TIMELESS: variants seen among roughly 807,000 people sequenced by gnomAD.
The protein encoded by TIMELESS is protein timeless homolog.
In TIMELESS, 124 loss-of-function variants were observed where a neutral mutation model predicts 164.3. The observed-to-expected ratio is 0.75, with a 90% CI of 0.65 to 0.88. The LOEUF is 0.88. TIMELESS is among the 40% of genes least tolerant of loss of function. The probability of loss-of-function intolerance (pLI) is 0.00; values close to 1 mark genes in which losing one functional copy is unlikely to be tolerated. For synonymous variants in TIMELESS, 564 were observed against 563.4 expected, an observed-to-expected ratio of 1.00 and a Z score of -0.02; for missense variants, 1,422 against 1,491.4, an observed-to-expected ratio of 0.95 and a Z score of 0.77.
intron 13 of TIMELESS, among the ~76,000 whole-genome samples, chr12:56,427,687 T>C (rs1232700328): frequency 2.0e-5 from 3 of 152,234 alleles, no homozygotes; most frequent in Non-Finnish European, 4.4e-5. Context: ...CAAGCGATTC[T>C]GTCTCAGCCT....
chr12:56,443,584 T>C (rs185738883), intron 1 of TIMELESS, among the ~76,000 whole-genome samples: 22 of 152,310 alleles, frequency 1.4e-4, no homozygotes, highest in African/African-American at 5.3e-4. Flanking sequence ...TTATTGCCCT[T>C]TGAAGCATGT....
chr12:56,422,859 G>C lies in TIMELESS; in HGVS notation c.2426C>G (p.Ser809Cys). 6.2e-7 allele frequency: 1 copy of C among 1,607,722 alleles called. No homozygotes were observed. Among genetic ancestry groups the C allele is most frequent in the African/African-American group, 1.3e-5 (1 of 74,818 alleles). Residue 809 changes from serine (S) to cysteine (C), a missense_variant, in exon 19 of 29, where the codon TCC becomes TGC. Transcript: ENST00000553532. ...ACTTCAAGCTCACCTGTCATCCAGG[G>C]AGCCATAGCCCTCAGTCATCTCTCG... Reference protein sequence around the residue: ...VVREMTEGYGSLDDRSSSRRA... With the variant: ...VVREMTEGYGCLDDRSSSRRA...
In TIMELESS at chr12:56,421,041, C is replaced by G. The variant is rs559870972; in HGVS notation, c.2962G>C (p.Gly988Arg). Residue 988 changes from glycine to arginine, a missense_variant, in exon 24 of 29, where the codon GGG becomes CGG. Gly to Arg is a moderately radical substitution (Grantham distance 125). Transcript: ENST00000553532. ...TGGACTTGTTCTGCTTCTGAGCCCC[C>G]TTCTTCTTCCTCTTCGCTGTCTTCC... ...PEEDSEEEEE[G>R]GSEAEQVQGS... The G allele has an allele frequency of 1.2e-6, 2 of 1,614,174 alleles. No homozygotes were observed. The highest frequency in any genetic ancestry group is 1.3e-5 in the African/African-American group (1 of 75,056).
chr12:56,445,930 G>A (rs1347444248), intron 1 of TIMELESS, among the ~76,000 whole-genome samples: 1 of 151,840 alleles, frequency 6.6e-6, no homozygotes, highest in Non-Finnish European at 1.5e-5. Flanking sequence ...TTTTGAAAGA[G>A]GGTCTCACTT....
At chr12:56,434,759 T>C (rs1882014179) in intron 1 of TIMELESS, among the ~76,000 whole-genome samples, 1 of 144,168 alleles carries the variant, frequency 6.9e-6, no homozygotes, top group African/African-American at 2.5e-5. Context: ...TAAATAAAAT[T>C]GTTAGACCCT....
rs762127468 is a variant in TIMELESS at position 56,421,492 on chromosome 12, A to T, written c.2727T>A (p.Asp909Glu). 6.2e-7 allele frequency: 1 copy of T among 1,609,050 alleles called. No homozygotes were observed. The highest frequency in any genetic ancestry group is 1.7e-5 in the Admixed American group (1 of 59,104). The change falls in exon 23 of 29, where the codon GAT becomes GAA. Residue 909 changes from aspartate (D) to glutamate (E), a missense_variant and splice_region_variant. By Grantham distance (45) the Asp-to-Glu change is conservative (BLOSUM62 2). Coordinates refer to ENST00000553532, the MANE Select transcript of TIMELESS (RefSeq NM_003920.5). ...TATTCTTCATGATATGACCCAGGAC[A>T]TCTATAAAAAGCAAGCATGTGAATA... ...RLFEEFRDSD[D>E]VLGHIMKNIT...
At chr12:56,438,259 G>A (rs762175879) in intron 1 of TIMELESS, among the ~76,000 whole-genome samples, 9 of 152,050 alleles carry the variant, frequency 5.9e-5, no homozygotes, top group Non-Finnish European at 1.2e-4. Flanking sequence ...TGGTCAGGCT[G>A]GTCACAAACT....
chr12:56,445,598 T>G (rs1322926655), intron 1 of TIMELESS, among the ~76,000 whole-genome samples: 1 of 151,386 alleles, frequency 6.6e-6, no homozygotes, highest in Non-Finnish European at 1.5e-5. Context: ...ATTAGCTGGG[T>G]GTAGTGGTGC....
At chr12:56,424,936 G>A in intron 14 of TIMELESS, 23 bp from the exon 15 acceptor site, 1 of 1,614,110 alleles carries the variant, frequency 6.2e-7, no homozygotes, top group South Asian at 1.1e-5. Context: ...AAAGCTATGG[G>A]AGCGGAGGGA....
intron 26 of TIMELESS, among the ~76,000 whole-genome samples, chr12:56,418,741 C>T (rs892673586): frequency 4.0e-5 from 6 of 151,874 alleles, no homozygotes; most frequent in Non-Finnish European, 7.4e-5. Context: ...CACCATGATG[C>T]CCAACTACTT....
rs1030850134 is a variant in TIMELESS at position 56,424,645 on chromosome 12, A to G, written c.1868+117T>C. 23 of 1,300,650 alleles carry G rather than the reference A, an allele frequency of 1.8e-5. No individual in the cohort carries two copies. The African/African-American group carries it at 2.8e-4, about 16-fold the overall frequency. The allele number at this position is 1,300,650 out of a possible 1,614,324, so 80.6% of individuals were successfully genotyped here. A position where few individuals can be genotyped will look rare whatever the true frequency, so the allele number is the denominator to read the frequency against. ...CAAAACGCCCCAGGAGTCAGTTGGT[A>G]TACAGTCCCAGAGCCTTGATGAGAC... On this transcript the variant is annotated intron_variant, in intron 15 of 28. Transcript: ENST00000553532.
intron 15 of TIMELESS, among the ~76,000 whole-genome samples, chr12:56,424,551 T>C (rs1881608879): frequency 6.6e-6 from 1 of 152,230 alleles, no homozygotes; most frequent in Non-Finnish European, 1.5e-5. Context: ...ATTTGCTTTC[T>C]TTATTTTTTT....
At chr12:56,448,585 C>A (rs1342282712) in intron 1 of TIMELESS, among the ~76,000 whole-genome samples, 1 of 151,368 alleles carries the variant, frequency 6.6e-6, no homozygotes, top group African/African-American at 2.4e-5. Flanking sequence ...AAAAATTAGC[C>A]GGGCATGGTG....
intron 1 of TIMELESS, among the ~76,000 whole-genome samples, chr12:56,435,054 C>T (rs1882026007): frequency 6.6e-6 from 1 of 152,074 alleles, no homozygotes; most frequent in Admixed American, 6.6e-5. Context: ...ATTGCTCAAC[C>T]CTGTCACCCT....
rs751698357 is a variant in TIMELESS, at chr12:56,421,374, T to C, written c.2845A>G (p.Lys949Glu). 3.7e-6 allele frequency: 6 copies of C among 1,613,950 alleles called. No individual in the cohort carries two copies. The highest frequency in any genetic ancestry group is 4.2e-6 in the Non-Finnish European group (5 of 1,179,946). ...ERRELYKKRQKKLASSILPNG... is the reference protein window; with the variant it reads ...ERRELYKKRQEKLASSILPNG... The stretch of plus-strand genomic sequence containing the variant: ...ACCAAGATGGAGGATGCCAACTTTT[T>C]CTGCCGTTTCTTGTACAGCTCCCGC... Residue 949 changes from lysine to glutamate, a missense_variant, in exon 23 of 29, where the codon AAA becomes GAA. Physicochemically the swap from Lys to Glu is moderately conservative, Grantham distance 56. Coordinates refer to ENST00000553532, the MANE Select transcript of TIMELESS (RefSeq NM_003920.5).
chr12:56,434,509 A>G (rs6581095), intron 1 of TIMELESS, among the ~76,000 whole-genome samples: 83,817 of 152,080 alleles, frequency 0.55, 23,876 homozygotes, highest in African/African-American at 0.64. Flanking sequence ...AGGCCAAGGC[A>G]GGCAGATCAC....
At position 56,434,198 on chromosome 12, in the gene TIMELESS, G is replaced by C. The variant is rs940013495; in HGVS notation, c.-28C>G. The C allele has an allele frequency of 6.4e-7, 1 of 1,557,414 alleles. No homozygotes were observed. The highest frequency in any genetic ancestry group is 1.4e-5 in the African/African-American group (1 of 73,666). ...ATCAGTGGACCAACCAACAGAGAAGGAAGTGGAGAAACAGGAGACAGAAAT... is the reference window on the plus strand; with the variant it reads ...ATCAGTGGACCAACCAACAGAGAAGCAAGTGGAGAAACAGGAGACAGAAAT... On this transcript the variant is annotated 5_prime_UTR_variant, in exon 2 of 29. Transcript: ENST00000553532.
At chr12:56,434,720 G>A (rs1013523971) in intron 1 of TIMELESS, among the ~76,000 whole-genome samples, 50 of 152,174 alleles carry the variant, frequency 3.3e-4, no homozygotes, top group African/African-American at 1.2e-3. Context: ...CTGGGCAACA[G>A]AGCGAGACTC....
intron 20 of TIMELESS, 24 bp downstream of exon 20, chr12:56,422,082 T>C (rs1028381019): frequency 5.6e-6 from 9 of 1,613,698 alleles, no homozygotes; most frequent in Non-Finnish European, 7.6e-6. Context: ...CCTCATAAAC[T>C]CTCCAGATCC....
Sources: gnomAD v4.1 joint callset for allele counts (sites outside exome capture counted in the v4.1 genomes callset) on GRCh38, gnomAD v4.1.1 for gene constraint, MANE v1.5 for transcripts, NCBI Gene and HGNC (gene_info 2026-07-23, HGNC 2026-07-21) for gene names.